The following DNAH6 variants were observed in gnomAD, a reference collection of about 807,000 sequenced individuals.
DNAH6 encodes axonemal beta dynein heavy chain 6.
A neutral mutation model predicts 491.4 loss-of-function variants in DNAH6; 340 were observed. The ratio of observed to expected loss-of-function variants is 0.69; its 90% CI spans 0.63 to 0.76. The LOEUF (loss-of-function observed/expected upper bound fraction) is 0.76, where lower values mean the gene tolerates loss of function less well. Ranked by LOEUF, DNAH6 falls within the 30% of genes least tolerant of loss-of-function variation. DNAH6 has a pLI of 0.00. For missense variants in DNAH6, 4,443 were observed against 4,972.2 expected (o/e 0.89, Z 3.20); for synonymous variants, 1,603 against 1,686.1 (o/e 0.95, Z 1.21).
In DNAH6 at chr2:84,739,897, T is replaced by G. The variant is rs114550187; in HGVS notation, c.10343-5183T>G. 4.3e-3 allele frequency among the ~76,000 whole-genome samples: 652 copies of G among 152,328 alleles called. 6 individuals carry two copies. The highest frequency in any genetic ancestry group is 0.015 in the African/African-American group (633 of 41,572). On this transcript the variant is annotated intron_variant, in intron 62 of 76. Coordinates refer to ENST00000389394, the MANE Select transcript of DNAH6 (RefSeq NM_001370.2). ...TGTCATTTCAGACATTTCATTCTGGTTAGGATCCATTGCTTGGGAGCTAGT... is the reference window on the plus strand; with the variant it reads ...TGTCATTTCAGACATTTCATTCTGGGTAGGATCCATTGCTTGGGAGCTAGT...
the DNAH6 span, among the ~76,000 whole-genome samples, chr2:84,478,725 G>A: frequency 6.6e-6 from 1 of 152,174 alleles, no homozygotes; most frequent in Non-Finnish European, 1.5e-5. Context: ...AGGTCCAGCT[G>A]TTTGTTATAG....
intron 24 of DNAH6, among the ~76,000 whole-genome samples, chr2:84,620,574 G>A (rs573311867): frequency 7.9e-5 from 12 of 152,302 alleles, no homozygotes; most frequent in Non-Finnish European, 2.9e-5. Context: ...CACAGGAACT[G>A]TGTAGGGAAA....
At chr2:84,813,236 A>C in intron 74 of DNAH6, 106 bp downstream of exon 74, 1 of 826,736 alleles carries the variant, frequency 1.2e-6, no homozygotes, top group Non-Finnish European at 2.0e-6. Context: ...TCTAGCAATG[A>C]GGCTATTGAT....
At chr2:84,466,862 G>A in the DNAH6 span, among the ~76,000 whole-genome samples, 1 of 152,208 alleles carries the variant, frequency 6.6e-6, no homozygotes, top group South Asian at 2.1e-4. Context: ...GGTTACCTCT[G>A]TGGCATACAA....
At chr2:84,572,238 T>C (rs1328685780) in intron 11 of DNAH6, among the ~76,000 whole-genome samples, 1 of 152,212 alleles carries the variant, frequency 6.6e-6, no homozygotes, top group Non-Finnish European at 1.5e-5. Context: ...TAATAATATG[T>C]GTATATAGAC....
At chr2:84,809,166 G>A (rs1168679558) in intron 72 of DNAH6, among the ~76,000 whole-genome samples, 1 of 152,160 alleles carries the variant, frequency 6.6e-6, no homozygotes, top group Non-Finnish European at 1.5e-5. Flanking sequence ...TGTAATGATG[G>A]TCAAAGGCCT....
At chr2:84,733,415 A>T in intron 61 of DNAH6, 29 bp from the exon 62 acceptor site, 1 of 1,542,502 alleles carries the variant, frequency 6.5e-7, no homozygotes. Context: ...GCCTTTGTGA[A>T]TTATTATTCA....
At chr2:84,684,558 G>C (rs1331636093) in intron 42 of DNAH6, among the ~76,000 whole-genome samples, 1 of 152,132 alleles carries the variant, frequency 6.6e-6, no homozygotes, top group Non-Finnish European at 1.5e-5. Context: ...ACCAATGTGA[G>C]ATGCAAAAAA....
rs1415985446 is a variant in DNAH6 at position 84,669,432 on chromosome 2, G to A, written c.6228G>A (p.Val2076=). ...FEMLVPTTDT[V]RYGYLMEKLL... ...TGCTTGTCCCCACAACTGACACAGT[G>A]CGCTATGGGTATCTAATGGAAAAAC... The change falls in exon 38 of 77, where the codon GTG becomes GTA. Residue 2076 remains valine (V), a synonymous_variant. Coordinates refer to ENST00000389394, the MANE Select transcript of DNAH6 (RefSeq NM_001370.2). The A allele has an allele frequency of 8.4e-6, 13 of 1,551,858 alleles. No homozygotes were observed. The East Asian group carries it at 9.8e-5, about 12-fold the overall frequency.
In DNAH6 at chr2:84,673,792, G is replaced by A. The variant is rs531152371; in HGVS notation, c.6612+1308G>A. 2.0e-5 allele frequency among the ~76,000 whole-genome samples: 3 copies of A among 152,334 alleles called. No individual in the cohort carries two copies. In the East Asian group the frequency reaches 5.8e-4, roughly 29 times the overall value. On this transcript the variant is annotated intron_variant, in intron 40 of 76. Transcript: ENST00000389394. ...GCCTCCTTATAGTCTAGCTGCATGGGCAGCTGATTAGATTGTGCCCACAAT... is the reference window on the plus strand; with the variant it reads ...GCCTCCTTATAGTCTAGCTGCATGGACAGCTGATTAGATTGTGCCCACAAT...
intron 18 of DNAH6, 80 bp from the exon 19 acceptor site, chr2:84,604,259 T>A: frequency 2.7e-6 from 3 of 1,122,922 alleles, no homozygotes; most frequent in South Asian, 2.8e-5. Flanking sequence ...GCTCTCTACA[T>A]GCACAAATTG....
chr2:84,792,109 G>A (rs2105267066), intron 68 of DNAH6, among the ~76,000 whole-genome samples: 1 of 152,302 alleles, frequency 6.6e-6, no homozygotes, highest in Admixed American at 6.5e-5. Context: ...ATTATGCTAA[G>A]TGAAATAAGT....
upstream of DNAH6, among the ~76,000 whole-genome samples, chr2:84,512,700 T>C (rs1205724364): frequency 6.6e-6 from 1 of 152,218 alleles, no homozygotes; most frequent in Non-Finnish European, 1.5e-5. Context: ...GAACATATGT[T>C]TTAATTGTTC....
chr2:84,701,120 T>C lies in DNAH6; in HGVS notation c.7842T>C (p.Ser2614=). Residue 2614 remains serine, a synonymous_variant, in exon 49 of 77, where the codon TCT becomes TCC. Transcript: ENST00000389394. ...FVQWPREALL[S]VSKTFFSQVD... ...AGTGGCCCAGAGAAGCACTTCTTTC[T>C]GTGTCAAAGACATTTTTCTCACAAG... 1 of 1,551,492 alleles carries C rather than the reference T, an allele frequency of 6.4e-7. No homozygotes were observed. The highest frequency in any genetic ancestry group is 8.7e-7 in the Non-Finnish European group (1 of 1,146,510).
At chr2:84,508,138 A>T in the DNAH6 span, among the ~76,000 whole-genome samples, 1 of 152,202 alleles carries the variant, frequency 6.6e-6, no homozygotes, top group South Asian at 2.1e-4. Flanking sequence ...TTTCAGAAGG[A>T]ATGGTACCAG....
the DNAH6 span, among the ~76,000 whole-genome samples, chr2:84,507,240 A>G: frequency 6.6e-6 from 1 of 152,042 alleles, no homozygotes; most frequent in Non-Finnish European, 1.5e-5. Context: ...CTTTTATTTC[A>G]TTGAGCAGTG....
At chr2:84,797,389 A>T in intron 69 of DNAH6, 148 bp from the exon 70 acceptor site, 1 of 694,844 alleles carries the variant, frequency 1.4e-6, no homozygotes, top group Non-Finnish European at 2.3e-6. Context: ...CAGCAATGAA[A>T]GCATGAAAGC....
In DNAH6 at chr2:84,759,842, T is replaced by A. The variant is rs1386162152; in HGVS notation, c.10513-2913T>A. ...AGAAAAAAGAAAAAAGCTGGAAGCA[T>A]CACATTATCTGACATCAATTATATT... On this transcript the variant is annotated intron_variant, in intron 63 of 76. Coordinates refer to ENST00000389394, the MANE Select transcript of DNAH6 (RefSeq NM_001370.2). Among the ~76,000 whole-genome samples, 2 of 152,112 alleles carry A rather than the reference T, an allele frequency of 1.3e-5. 1 individual carries two copies. The highest frequency in any genetic ancestry group is 4.8e-5 in the African/African-American group (2 of 41,418).
the DNAH6 span, among the ~76,000 whole-genome samples, chr2:84,475,000 C>T: frequency 2.6e-5 from 4 of 152,210 alleles, no homozygotes; most frequent in African/African-American, 9.6e-5. Flanking sequence ...AAGGTAACAG[C>T]AACAACTGAG....
Sources: gnomAD v4.1 joint callset for allele counts (sites outside exome capture counted in the v4.1 genomes callset) on GRCh38, gnomAD v4.1.1 for gene constraint, MANE v1.5 for transcripts, NCBI Gene and HGNC (gene_info 2026-07-23, HGNC 2026-07-21) for gene names.